Variants in GPA33 observed in about 807,000 individuals in gnomAD.
GPA33 encodes glycoprotein A33.
In GPA33, 27 loss-of-function variants were observed where a neutral mutation model predicts 35.6. That is an observed-to-expected ratio of 0.76 (90% CI 0.56 to 1.04). The LOEUF (loss-of-function observed/expected upper bound fraction) is 1.04, where lower values mean the gene tolerates loss of function less well. Among genes scored for constraint, GPA33 ranks in the 50% least tolerant of loss-of-function variants. The pLI is 0.00. For synonymous variants in GPA33, 176 were observed against 164.0 expected (o/e 1.07, Z -0.56); for missense variants, 428 against 411.9 (o/e 1.04, Z -0.34).
Position 167,063,565 on chromosome 1 carries a change from C to T in GPA33, c.571+17G>A, listed in dbSNP as rs775843538. ...CACTTTGACGTGGGGAGCCCGCCTT[C>T]CCTACTGCCCCCTTACCTGGCTGGG... On this transcript the variant is annotated intron_variant, in intron 4 of 6. Coordinates refer to ENST00000367868, the MANE Select transcript of GPA33 (RefSeq NM_005814.3). 6 of 1,586,066 alleles carry T rather than the reference C, an allele frequency of 3.8e-6. No individual in the cohort carries two copies. Among genetic ancestry groups the T allele is most frequent in the Middle Eastern group, 2.1e-4 (1 of 4,740 alleles).
intron 4 of GPA33, among the ~76,000 whole-genome samples, chr1:167,056,682 G>GGC (rs1666280028): frequency 3.7e-5 from 3 of 81,882 alleles, no homozygotes; most frequent in Non-Finnish European, 5.5e-5. Flanking sequence ...TGATGTGTCT[G>GGC]GTGTGTGGTG....
intron 2 of GPA33, 138 bp downstream of exon 2, chr1:167,073,247 C>T: frequency 1.4e-6 from 1 of 689,810 alleles, no homozygotes; most frequent in Non-Finnish European, 2.5e-6. Flanking sequence ...ATTCACTGCT[C>T]CCTCCCCACC....
intron 2 of GPA33, 118 bp downstream of exon 2, chr1:167,073,267 C>G (rs1666756163): frequency 2.4e-6 from 2 of 832,310 alleles, no homozygotes; most frequent in Non-Finnish European, 3.9e-6. Flanking sequence ...CCACTCCAGC[C>G]TGGGTGCTAG....
intron 1 of GPA33, among the ~76,000 whole-genome samples, chr1:167,083,802 G>C (rs1667001038): frequency 6.6e-6 from 1 of 152,100 alleles, no homozygotes; most frequent in African/African-American, 2.4e-5. Context: ...GCATGTTCCA[G>C]AAACTAACAC....
At chr1:167,068,016 C>T (rs139617708) in intron 3 of GPA33, among the ~76,000 whole-genome samples, 7 of 151,400 alleles carry the variant, frequency 4.6e-5, no homozygotes, top group African/African-American at 1.7e-4. Flanking sequence ...ATAGTTGGAC[C>T]CACTATAATG....
chr1:167,062,534 T>C (rs1007704070), intron 4 of GPA33, among the ~76,000 whole-genome samples: 7 of 151,964 alleles, frequency 4.6e-5, no homozygotes, highest in Non-Finnish European at 1.0e-4. Context: ...CTTGTCTTTC[T>C]TGATCCTCAG....
intron 1 of GPA33, among the ~76,000 whole-genome samples, chr1:167,076,046 T>C (rs1282550284): frequency 6.6e-6 from 1 of 152,028 alleles, no homozygotes; most frequent in Non-Finnish European, 1.5e-5. Context: ...CAAGAGCTGA[T>C]GGGACAAGAG....
intron 3 of GPA33, among the ~76,000 whole-genome samples, chr1:167,067,400 C>T (rs544846177): frequency 7.2e-5 from 11 of 152,236 alleles, no homozygotes; most frequent in African/African-American, 2.6e-4. Flanking sequence ...CCGCACCCGA[C>T]CCTTCTTCTT....
chr1:167,056,701 G>A (rs1666284130), intron 4 of GPA33, among the ~76,000 whole-genome samples: 20 of 2,992 alleles, frequency 6.7e-3, no homozygotes, highest in East Asian at 0.01. Flanking sequence ...TGGGTGTGTG[G>A]TGTGTGTAGT....
intron 6 of GPA33, 141 bp from the exon 7 acceptor site, chr1:167,054,607 G>A: frequency 9.6e-7 from 1 of 1,043,760 alleles, no homozygotes; most frequent in Non-Finnish European, 1.4e-6. Flanking sequence ...TGGGCTGAAA[G>A]GCTGGGCTGA....
At chr1:167,057,085 G>A (rs919820827) in intron 4 of GPA33, among the ~76,000 whole-genome samples, 9 of 151,794 alleles carry the variant, frequency 5.9e-5, no homozygotes, top group Non-Finnish European at 1.2e-4. Context: ...CTGTTGGGGT[G>A]GGACGGAGGC....
intron 1 of GPA33, among the ~76,000 whole-genome samples, chr1:167,079,298 G>A (rs1267274616): frequency 1.3e-5 from 2 of 152,030 alleles, no homozygotes; most frequent in African/African-American, 2.4e-5. Flanking sequence ...TTCGAGACCA[G>A]CCTGAGTAAC....
intron 1 of GPA33, among the ~76,000 whole-genome samples, chr1:167,086,720 C>T (rs1193935112): frequency 6.6e-6 from 1 of 152,186 alleles, no homozygotes; most frequent in Non-Finnish European, 1.5e-5. Context: ...GGATCAAGCA[C>T]CTGTGGGTTT....
chr1:167,059,799 A>G (rs1666394029), intron 4 of GPA33, among the ~76,000 whole-genome samples: 1 of 152,180 alleles, frequency 6.6e-6, no homozygotes. Flanking sequence ...AGGGTCCGAG[A>G]GGCTGTGAGT....
intron 5 of GPA33, 97 bp from the exon 6 acceptor site, chr1:167,055,208 A>G (rs1571300405): frequency 2.5e-6 from 3 of 1,206,032 alleles, no homozygotes; most frequent in East Asian, 2.5e-5. Flanking sequence ...TTCTGGTAAC[A>G]CTCCATGAAA....
chr1:167,073,354 C>T (rs1366570170), intron 2 of GPA33, 31 bp downstream of exon 2: 2 of 1,594,394 alleles, frequency 1.3e-6, no homozygotes, highest in African/African-American at 1.3e-5. Flanking sequence ...TAATCATTCC[C>T]ATGTTGCCTG....
intron 4 of GPA33, 148 bp from the exon 5 acceptor site, chr1:167,055,997 G>C: frequency 2.7e-6 from 2 of 751,580 alleles, no homozygotes; most frequent in South Asian, 1.7e-5. Flanking sequence ...CAGGGCTGCA[G>C]GACGCTTAAA....
chr1:167,061,462 A>C (rs1457849908), intron 4 of GPA33, among the ~76,000 whole-genome samples: 1 of 152,136 alleles, frequency 6.6e-6, no homozygotes, highest in African/African-American at 2.4e-5. Flanking sequence ...TGGTTTCAAC[A>C]AAAATTCCAG....
chr1:167,056,800 GTGT>G (rs1558002130), intron 4 of GPA33, among the ~76,000 whole-genome samples: 8 of 1,192 alleles, frequency 6.7e-3, no homozygotes, highest in South Asian at 0.028. Context: ...GGTGCGTGTG[GTGT>G]GGTGTGTATG....
Sources: allele counts gnomAD v4.1 joint callset (sites outside exome capture counted in the v4.1 genomes callset), GRCh38; gene constraint gnomAD v4.1.1; transcripts MANE v1.5; gene names NCBI Gene and HGNC (gene_info 2026-07-23, HGNC 2026-07-21).